Variants in GLA observed in about 807,000 individuals in gnomAD.
GLA encodes the protein alpha-galactosidase A.
Under a neutral mutation model 28.2 loss-of-function variants are expected in GLA, and 4 were observed. The observed-to-expected ratio is 0.14, with a 90% CI of 0.07 to 0.32. The LOEUF is 0.32. Ranked by LOEUF, GLA falls within the 10% of genes least tolerant of loss-of-function variation. The probability of loss-of-function intolerance (pLI) is 1.00; values close to 1 mark genes in which losing one functional copy is unlikely to be tolerated. For synonymous variants in GLA, 94 were observed against 113.0 expected (o/e 0.83, Z 1.07); for missense variants, 203 against 323.7 (o/e 0.63, Z 2.86).
chrX:101,404,045 A>G, intron 1 of GLA, 60 bp from the exon 2 acceptor site: 1 of 1,033,649 alleles, frequency 9.7e-7, no homozygotes, highest in Non-Finnish European at 1.4e-6. Flanking sequence ...GGTACCTCCC[A>G]TTTATTAGGC....
chrX:101,402,482 C>T (rs1406524725), intron 2 of GLA, among the ~76,000 whole-genome samples: 1 of 112,374 alleles, frequency 8.9e-6, no homozygotes, highest in Non-Finnish European at 1.9e-5. Flanking sequence ...CTGTCTTCAT[C>T]GGCCGGGCGT....
chrX:101,406,040 TAAAAAAAA>T (rs34454314), intron 1 of GLA, among the ~76,000 whole-genome samples: 2 of 42,561 alleles, frequency 4.7e-5, no homozygotes, highest in African/African-American at 1.0e-4. Context: ...CCGTCTGTAC[TAAAAAAAA>T]AAAAAAAAAA....
At chrX:101,401,541 A>C in intron 3 of GLA, 91 bp downstream of exon 3, 1 of 720,157 alleles carries the variant, frequency 1.4e-6, no homozygotes, top group Non-Finnish European at 2.2e-6. Context: ...GTGACAGGGT[A>C]TTTAAAATTC....
chrX:101,398,639 T>C lies in GLA; in HGVS notation c.802-72A>G. On this transcript the variant is annotated intron_variant, in intron 5 of 6. Transcript: ENST00000218516. ...CTTAAAGTTACCTAGATGACCCATA[T>C]GGAGAAACCACTTTCCACAGCATCC... 5.8e-6 allele frequency: 6 copies of C among 1,026,828 alleles called. No homozygotes were observed. The South Asian group carries it at 1.1e-4, about 19-fold the overall frequency. The allele number at this position is 1,026,828 out of a possible 1,213,427, so 84.6% of individuals were successfully genotyped here. A position where few individuals can be genotyped will look rare whatever the true frequency, so the allele number is the denominator to read the frequency against.
chrX:101,397,903 C>G lies in GLA; in HGVS notation c.1196G>C (p.Trp399Ser), dbSNP rs782449839. The G allele has an allele frequency of 3.5e-5, 42 of 1,205,957 alleles. No homozygotes were observed. The South Asian group carries it at 6.7e-4, about 19-fold the overall frequency. Residue 399 changes from tryptophan (W) to serine (S), a missense_variant, in exon 7 of 7, where the codon TGG (tryptophan) becomes TCG (serine). Trp to Ser is a radical substitution (Grantham distance 177). This residue lies in a region of GLA where 162 missense variants were observed against 246.8 expected (regional missense o/e 0.66). Transcript: ENST00000218516. ...TATGTGACTTCTTAACCTTGAAGTC[C>G]ATTCATAGAACCCTAGCTTCCTTTT... ...PVKRKLGFYE[W>S]TSRLRSHINP...
At chrX:101,406,589 C>G (rs1403171272) in intron 1 of GLA, among the ~76,000 whole-genome samples, 2 of 111,571 alleles carry the variant, frequency 1.8e-5, no homozygotes, top group African/African-American at 6.5e-5. Context: ...ACATACTGTA[C>G]CACAGGGTCA....
intron 1 of GLA, among the ~76,000 whole-genome samples, chrX:101,406,887 C>T (rs980640028): frequency 8.9e-6 from 1 of 112,758 alleles, no homozygotes; most frequent in East Asian, 2.8e-4. Flanking sequence ...GTTGAATGGT[C>T]AAGCGCTGTG....
At chrX:101,405,941 C>T (rs1457687896) in intron 1 of GLA, among the ~76,000 whole-genome samples, 1 of 98,022 alleles carries the variant, frequency 1.0e-5, no homozygotes, top group Non-Finnish European at 2.0e-5. Flanking sequence ...AGGCTGGGCA[C>T]GGTGGCTCAC....
rs782036583 is a variant in GLA at position 101,400,283 on chromosome X, G to A, written c.639+383C>T. Among the ~76,000 whole-genome samples the A allele has an allele frequency of 4.5e-5, 5 of 111,350 alleles. No individual in the cohort carries two copies. In the South Asian group the frequency reaches 1.9e-3, roughly 42 times the overall value. ...GCTGCTTGGAAAATAGATGGGGGTT[G>A]AGACAGAGTGGAAGCAGAGAGATCA... is the stretch of plus-strand genomic sequence containing the variant. On this transcript the variant is annotated intron_variant, in intron 4 of 6. Coordinates refer to ENST00000218516, the MANE Select transcript of GLA (RefSeq NM_000169.3).
intron 2 of GLA, among the ~76,000 whole-genome samples, chrX:101,402,027 G>A (rs1208642145): frequency 8.9e-6 from 1 of 112,714 alleles, no homozygotes; most frequent in African/African-American, 3.2e-5. Context: ...AGGCATGTGA[G>A]CTATAGCCCA....
At position 101,407,782 on chromosome X, in the gene GLA, G is replaced by C. The variant is rs782362194; in HGVS notation, c.122C>G (p.Thr41Ser). 10 of 1,211,338 alleles carry C rather than the reference G, an allele frequency of 8.3e-6. No individual in the cohort carries two copies. The Admixed American group carries it at 8.7e-5, about 11-fold the overall frequency. Residue 41 changes from threonine to serine, a missense_variant, in exon 1 of 7, where the codon ACC becomes AGC. Physicochemically the swap from Thr to Ser is moderately conservative, Grantham distance 58. Around this residue, in one of 3 missense-constraint regions of GLA, gnomAD observed 30 missense variants for 32.2 expected, o/e 0.93. Transcript: ENST00000218516. Reference protein sequence around the residue: ...ALDNGLARTPTMGWLHWERFM... With the variant: ...ALDNGLARTPSMGWLHWERFM... ...GCGCTCCCAGTGCAGCCAGCCCATG[G>C]TAGGCGTCCTTGCCAATCCATTGTC... is the stretch of plus-strand genomic sequence containing the variant.
chrX:101,399,033 T>C, intron 4 of GLA, 87 bp from the exon 5 acceptor site: 2 of 820,606 alleles, frequency 2.4e-6, no homozygotes, highest in South Asian at 2.1e-5. Context: ...CTTGTAGCCT[T>C]CTCTTGAGTT....
chrX:101,399,286 G>GCT (rs1928210993), intron 4 of GLA, among the ~76,000 whole-genome samples: 1 of 112,914 alleles, frequency 8.9e-6, no homozygotes, highest in African/African-American at 3.2e-5. Context: ...GTTTGTAGAG[G>GCT]CTGGGCACGG....
chrX:101,407,226 T>A (rs373161026), intron 1 of GLA, among the ~76,000 whole-genome samples: 22 of 110,483 alleles, frequency 2.0e-4, no homozygotes, highest in East Asian at 2.0e-3. Context: ...GGAGAAAAAA[T>A]GGCACGAATC....
chrX:101,404,566 CT>C (rs1171364737), intron 1 of GLA, among the ~76,000 whole-genome samples: 1,904 of 79,050 alleles, frequency 0.024, 45 homozygotes, highest in African/African-American at 0.096. Flanking sequence ...TCCTTTTTAT[CT>C]TTTTTTTTTT....
chrX:101,407,616 C>T lies in GLA; in HGVS notation c.194+94G>A, dbSNP rs782792888. On this transcript the variant is annotated intron_variant, in intron 1 of 6. Coordinates refer to ENST00000218516, the MANE Select transcript of GLA (RefSeq NM_000169.3). ...AGAGTCGGGTGGGGGAGCTCTCCCT[C>T]GGGCTCAACTGTTCCCGTTGAGACT... The T allele has an allele frequency of 7.1e-6, 6 of 844,798 alleles. No individual in the cohort carries two copies. In the South Asian group the frequency reaches 8.0e-5, roughly 11 times the overall value. 69.6% of individuals were successfully genotyped at this position (844,798 alleles called of 1,213,427 possible).
intron 4 of GLA, 25 bp downstream of exon 4, chrX:101,400,641 T>C (rs1555985497): frequency 1.1e-6 from 1 of 883,757 alleles, no homozygotes; most frequent in Non-Finnish European, 1.7e-6. Context: ...TACAGTTCTA[T>C]TGGATTCTGG....
chrX:101,406,445 G>A (rs1928522045), intron 1 of GLA, among the ~76,000 whole-genome samples: 1 of 111,131 alleles, frequency 9.0e-6, no homozygotes, highest in South Asian at 3.8e-4. Context: ...TTTCTGGGTG[G>A]TGGAACGGTG....
chrX:101,398,406 C>T lies in GLA; in HGVS notation c.963G>A (p.Gln321=), dbSNP rs1001403373. 5 of 1,207,869 alleles carry T rather than the reference C, an allele frequency of 4.1e-6. No individual in the cohort carries two copies. Among genetic ancestry groups the T allele is most frequent in the Admixed American group, 4.4e-5 (2 of 45,626 alleles). Residue 321 remains glutamine (Q), a synonymous_variant, in exon 6 of 7, where the codon CAG becomes CAA. Transcript: ENST00000218516. ...GGTACCCTTGCTTGCCCAAGGGGTCCTGATTGATGGCAATTACGTCCTTAT... is the reference window on the plus strand; with the variant it reads ...GGTACCCTTGCTTGCCCAAGGGGTCTTGATTGATGGCAATTACGTCCTTAT... ...LQDKDVIAIN[Q]DPLGKQGYQL... is the part of the protein sequence containing the mutation.
Sources: gnomAD v4.1 joint callset for allele counts (sites outside exome capture counted in the v4.1 genomes callset) on GRCh38, gnomAD v4.1.1 for gene constraint, gnomAD v4.1.1 regional missense constraint, MANE v1.5 for transcripts, NCBI Gene and HGNC (gene_info 2026-07-23, HGNC 2026-07-21) for gene names.